The following C1QL1 variants were observed in gnomAD, a reference collection of about 807,000 sequenced individuals.
C1QL1 encodes the protein C1q-related factor.
A neutral mutation model predicts 14.2 loss-of-function variants in C1QL1; 15 were observed. That is an observed-to-expected ratio of 1.06 (90% confidence interval 0.71 to 1.62). The LOEUF is 1.62. Ranked by LOEUF, C1QL1 falls within the 40% of genes most tolerant of loss-of-function variation. The probability of loss-of-function intolerance (pLI) is 0.00; values close to 1 mark genes in which losing one functional copy is unlikely to be tolerated. For synonymous variants in C1QL1, 172 were observed against 172.4 expected, an observed-to-expected ratio of 1.00 and a Z score of 0.02; for missense variants, 346 against 380.3, an observed-to-expected ratio of 0.91 and a Z score of 0.75.
At chr17:44,966,975 C>G (rs2143028500) in intron 1 of C1QL1, among the ~76,000 whole-genome samples, 1 of 152,338 alleles carries the variant, frequency 6.6e-6, no homozygotes, top group South Asian at 2.1e-4. Flanking sequence ...CTTTGTGCCC[C>G]AAACATTTCC....
At position 44,960,068 on chromosome 17, in the gene C1QL1, G is replaced by A. The variant is rs2052618857; in HGVS notation, c.*120C>T. 3.4e-6 allele frequency: 3 copies of A among 882,760 alleles called. No individual in the cohort carries two copies. Among genetic ancestry groups the A allele is most frequent in the Non-Finnish European group, 5.6e-6 (3 of 538,646 alleles). The allele number at this position is 882,760 out of a possible 1,614,324, so 54.7% of individuals were successfully genotyped here. ...CAGGCGGTGTTGAGCACGGGCCGGGGGCGTCATAGCCGGGGAGGGCCGGGC... is the reference window on the plus strand; with the variant it reads ...CAGGCGGTGTTGAGCACGGGCCGGGAGCGTCATAGCCGGGGAGGGCCGGGC... On this transcript the variant is annotated 3_prime_UTR_variant, in exon 2 of 2. Coordinates refer to ENST00000253407, the MANE Select transcript of C1QL1 (RefSeq NM_006688.5).
chr17:44,960,264 A>T lies in C1QL1; in HGVS notation c.701T>A (p.Leu234Gln). 1 of 1,614,110 alleles carries T rather than the reference A, an allele frequency of 6.2e-7. No homozygotes were observed. The highest frequency in any genetic ancestry group is 8.5e-7 in the Non-Finnish European group (1 of 1,179,978). ...LDAGDEVFIKLDGGKAHGGNS... is the reference protein window; with the variant it reads ...LDAGDEVFIKQDGGKAHGGNS... ...GCCGCCGTGTGCTTTGCCTCCATCC[A>T]GCTTGATGAAGACCTCGTCGCCGGC... Residue 234 changes from leucine to glutamine, a missense_variant, in exon 2 of 2, where the codon CTG becomes CAG. Transcript: ENST00000253407.
rs755482952 is a variant in C1QL1 at position 44,968,058 on chromosome 17, C to T, written c.-10G>A. The stretch of plus-strand genomic sequence containing the variant: ...CCAGCACCAGCAGCATCACCACACC[C>T]GCGGCGGCCGCTAGCAGCGTCTTTC... On this transcript the variant is annotated 5_prime_UTR_variant, in exon 1 of 2. Transcript: ENST00000253407. 1.5e-6 allele frequency: 2 copies of T among 1,304,870 alleles called. No individual in the cohort carries two copies. Among genetic ancestry groups the T allele is most frequent in the East Asian group, 3.1e-5 (1 of 32,686 alleles). 80.8% of individuals were successfully genotyped at this position (1,304,870 alleles called of 1,614,324 possible). A position where few individuals can be genotyped will look rare whatever the true frequency, so the allele number is the denominator to read the frequency against.
chr17:44,968,260 G>T lies in C1QL1; in HGVS notation c.-212C>A, dbSNP rs1050778602. On this transcript the variant is annotated 5_prime_UTR_variant, in exon 1 of 2. Coordinates refer to ENST00000253407, the MANE Select transcript of C1QL1 (RefSeq NM_006688.5). Reference sequence around the variant, plus strand: ...GCTGGCTGCGCTGCGGAGCCCAGCCGCCGGCTCCTGCCTCGCGCCTCCCTC... The same window carrying T: ...GCTGGCTGCGCTGCGGAGCCCAGCCTCCGGCTCCTGCCTCGCGCCTCCCTC... 1.4e-5 allele frequency among the ~76,000 whole-genome samples: 2 copies of T among 146,544 alleles called. No individual in the cohort carries two copies. Among genetic ancestry groups the T allele is most frequent in the Admixed American group, 6.8e-5 (1 of 14,714 alleles).
In C1QL1 at chr17:44,967,352, T is replaced by C; in HGVS notation, c.597+100A>G. On this transcript the variant is annotated intron_variant, in intron 1 of 1. Transcript: ENST00000253407. This position sits in a 1 kb window ranked among gnomAD's most constrained non-coding sequence, Gnocchi z 7.0. ...CTGTGGGGTGGGATCTCCACCTGCG[T>C]CCGCCTGGCGCCCCCGCCAACTCCG... The C allele has an allele frequency of 2.3e-6, 3 of 1,284,444 alleles. No homozygotes were observed. Among genetic ancestry groups the C allele is most frequent in the African/African-American group, 1.5e-5 (1 of 66,880 alleles). 79.6% of individuals were successfully genotyped at this position (1,284,444 alleles called of 1,614,324 possible). A position where few individuals can be genotyped will look rare whatever the true frequency, so the allele number is the denominator to read the frequency against.
chr17:44,965,304 G>A (rs894158610), intron 1 of C1QL1, among the ~76,000 whole-genome samples: 1 of 152,112 alleles, frequency 6.6e-6, no homozygotes, highest in Admixed American at 6.5e-5. Context: ...GAGCCACCGT[G>A]CCTGGCCTAA....
Position 44,967,467 on chromosome 17 carries a change from G to C in C1QL1, c.582C>G (p.Leu194=). 2 of 1,613,786 alleles carry C rather than the reference G, an allele frequency of 1.2e-6. No individual in the cohort carries two copies. The highest frequency in any genetic ancestry group is 8.5e-7 in the Non-Finnish European group (1 of 1,179,866). ...GGDGTSMWAD[L]CKNGQVRASA... ...CCTGGCCCACCTGGCCATTCTTGCA[G>C]AGGTCTGCCCACATACTGGTGCCGT... Residue 194 remains leucine (L), a synonymous_variant, in exon 1 of 2, where the codon CTC becomes CTG. Transcript: ENST00000253407. The surrounding 1 kb of genome is among the most constrained non-coding windows in gnomAD (Gnocchi z 7.0).
Position 44,959,851 on chromosome 17 carries a change from A to C in C1QL1, c.*337T>G. ...GGGCAGCTCATCTCAGAGCGCAGGAAGCAAACCCGCCGCCGCGACCTCTCC... is the reference window on the plus strand; with the variant it reads ...GGGCAGCTCATCTCAGAGCGCAGGACGCAAACCCGCCGCCGCGACCTCTCC... On this transcript the variant is annotated 3_prime_UTR_variant, in exon 2 of 2. Coordinates refer to ENST00000253407, the MANE Select transcript of C1QL1 (RefSeq NM_006688.5). 2.9e-5 allele frequency: 7 copies of C among 241,448 alleles called. No homozygotes were observed. Among genetic ancestry groups the C allele is most frequent in the East Asian group, 1.1e-4 (1 of 9,508 alleles). The allele number at this position is 241,448 out of a possible 1,614,324, so 15.0% of individuals were successfully genotyped here.
Position 44,967,529 on chromosome 17 carries a change from A to C in C1QL1, c.520T>G (p.Tyr174Asp). 1 of 1,614,074 alleles carries C rather than the reference A, an allele frequency of 6.2e-7. No individual in the cohort carries two copies. Among genetic ancestry groups the C allele is most frequent in the Non-Finnish European group, 8.5e-7 (1 of 1,179,938 alleles). ...GKFTCNIPGT[Y>D]FFTYHVLMRG... ...ATGAGGACATGGTAGGTGAAAAAGT[A>C]GGTGCCGGGAATGTTGCACGTAAAC... The change falls in exon 1 of 2, where the codon TAC becomes GAC. Residue 174 changes from tyrosine (Y) to aspartate (D), a missense_variant. Transcript: ENST00000253407. This position sits in a 1 kb window ranked among gnomAD's most constrained non-coding sequence, Gnocchi z 7.0.
At chr17:44,962,257 T>G (rs1313350393) in intron 1 of C1QL1, among the ~76,000 whole-genome samples, 2 of 152,218 alleles carry the variant, frequency 1.3e-5, no homozygotes, top group Non-Finnish European at 2.9e-5. Flanking sequence ...GAGGCAGCAC[T>G]GCAGGTCAGC....
In C1QL1 at chr17:44,960,183, G is replaced by A; in HGVS notation, c.*5C>T. 6.2e-7 allele frequency: 1 copy of A among 1,613,792 alleles called. No individual in the cohort carries two copies. The highest frequency in any genetic ancestry group is 8.5e-7 in the Non-Finnish European group (1 of 1,179,760). On this transcript the variant is annotated 3_prime_UTR_variant, in exon 2 of 2. Coordinates refer to ENST00000253407, the MANE Select transcript of C1QL1 (RefSeq NM_006688.5). ...GGGACGTGGGTGGAGGGAGACGTGG[G>A]GAGCTCAGTCGGAGTAGATGATGAA...
chr17:44,962,424 A>C (rs1463305992), intron 1 of C1QL1, among the ~76,000 whole-genome samples: 1 of 152,216 alleles, frequency 6.6e-6, no homozygotes, highest in Non-Finnish European at 1.5e-5. Context: ...TTAGCTGGGA[A>C]AACTGGTCTA....
rs2143030536 is a variant in C1QL1 at position 44,967,861 on chromosome 17, G to A, written c.188C>T (p.Thr63Met). 2.3e-6 allele frequency: 3 copies of A among 1,325,100 alleles called. No homozygotes were observed. Among genetic ancestry groups the A allele is most frequent in the African/African-American group, 3.1e-5 (2 of 64,462 alleles). 82.1% of individuals were successfully genotyped at this position (1,325,100 alleles called of 1,614,324 possible). A position where few individuals can be genotyped will look rare whatever the true frequency, so the allele number is the denominator to read the frequency against. ...SEQSGAPPPS[T>M]LVQGPQGKPG... ...CTTCCCCTGGGGGCCCTGCACCAGCGTGGAAGGCGGGGGCGCGCCGCTCTG... is the reference window on the plus strand; with the variant it reads ...CTTCCCCTGGGGGCCCTGCACCAGCATGGAAGGCGGGGGCGCGCCGCTCTG... The change falls in exon 1 of 2, where the codon ACG becomes ATG. Residue 63 changes from threonine (T) to methionine (M), a missense_variant. Coordinates refer to ENST00000253407, the MANE Select transcript of C1QL1 (RefSeq NM_006688.5). The surrounding 1 kb of genome is among the most constrained non-coding windows in gnomAD (Gnocchi z 7.0).
At chr17:44,964,663 C>G (rs1480464627) in intron 1 of C1QL1, among the ~76,000 whole-genome samples, 2 of 152,218 alleles carry the variant, frequency 1.3e-5, no homozygotes, top group Non-Finnish European at 2.9e-5. Context: ...GGACTGAACT[C>G]CTACAAAGCC....
chr17:44,961,714 G>A (rs1421671996), intron 1 of C1QL1, among the ~76,000 whole-genome samples: 2 of 150,022 alleles, frequency 1.3e-5, no homozygotes, highest in Admixed American at 6.6e-5. Flanking sequence ...GTGAAACCCC[G>A]TCTCTACTAA....
Position 44,962,356 on chromosome 17 carries a change from A to G in C1QL1, c.598-1989T>C, listed in dbSNP as rs1317720638. On this transcript the variant is annotated intron_variant, in intron 1 of 1. Transcript: ENST00000253407. ...GGGCCTCCCTTTAAAGCCCTTCTCCAGCCCCTTCTTTTCCCTCAACCTCTT... is the reference window on the plus strand; with the variant it reads ...GGGCCTCCCTTTAAAGCCCTTCTCCGGCCCCTTCTTTTCCCTCAACCTCTT... Among the ~76,000 whole-genome samples, 4 of 152,320 alleles carry G rather than the reference A, an allele frequency of 2.6e-5. No homozygotes were observed. In the South Asian group the frequency reaches 8.3e-4, roughly 32 times the overall value.
chr17:44,964,853 T>C (rs137891410), intron 1 of C1QL1, among the ~76,000 whole-genome samples: 4,249 of 77,114 alleles, frequency 0.055, 90 homozygotes, highest in South Asian at 0.18. Context: ...CTTTTCTTTT[T>C]TTTTTGAGAC....
In C1QL1 at chr17:44,959,970, G is replaced by C. The variant is rs1412747197; in HGVS notation, c.*218C>G. 10 of 560,958 alleles carry C rather than the reference G, an allele frequency of 1.8e-5. No individual in the cohort carries two copies. Among genetic ancestry groups the C allele is most frequent in the Non-Finnish European group, 2.5e-5 (8 of 317,980 alleles). 34.7% of individuals were successfully genotyped at this position (560,958 alleles called of 1,614,324 possible). Reference sequence around the variant, plus strand: ...GGCTGGGCGGGGGCGGTCAACCCCGGTTCCCTGGCACGGGGACAGGGCGCG... The same window carrying C: ...GGCTGGGCGGGGGCGGTCAACCCCGCTTCCCTGGCACGGGGACAGGGCGCG... On this transcript the variant is annotated 3_prime_UTR_variant, in exon 2 of 2. Transcript: ENST00000253407.
chr17:44,964,283 G>A (rs368659181), intron 1 of C1QL1, among the ~76,000 whole-genome samples: 155 of 152,354 alleles, frequency 1.0e-3, no homozygotes, highest in African/African-American at 3.5e-3. Context: ...CCCTGGTTCT[G>A]AAGTCACAAG....
Sources: allele counts gnomAD v4.1 joint callset (sites outside exome capture counted in the v4.1 genomes callset), GRCh38; gene constraint gnomAD v4.1.1; non-coding constraint Gnocchi (gnomAD v3.1); transcripts MANE v1.5; gene names NCBI Gene and HGNC (gene_info 2026-07-23, HGNC 2026-07-21).